COL24A1: variants seen among roughly 807,000 people sequenced by gnomAD.
The protein encoded by COL24A1 is collagen type XXIV alpha 1 chain, also known as collagen alpha-1(XXIV) chain.
COL24A1 carries 224 observed loss-of-function variants against 253.9 expected under a neutral mutation model. The ratio of observed to expected loss-of-function variants is 0.88; its 90% CI spans 0.79 to 0.99. COL24A1 has a LOEUF of 0.99. COL24A1 is among the 50% of genes least tolerant of loss of function. The probability of loss-of-function intolerance (pLI) is 0.00; values close to 1 mark genes in which losing one functional copy is unlikely to be tolerated. For missense variants in COL24A1, 2,131 were observed against 2,068.5 expected (o/e 1.03, Z -0.59); for synonymous variants, 685 against 673.7 (o/e 1.02, Z -0.26).
chr1:85,861,151 T>C (rs974533474), intron 37 of COL24A1, among the ~76,000 whole-genome samples: 1 of 152,186 alleles, frequency 6.6e-6, no homozygotes, highest in African/African-American at 2.4e-5. Flanking sequence ...CTCTATATCC[T>C]CATTAACACT....
intron 28 of COL24A1, among the ~76,000 whole-genome samples, chr1:85,902,533 T>G (rs183765212): frequency 6.6e-6 from 1 of 152,324 alleles, no homozygotes; most frequent in African/African-American, 2.4e-5. Context: ...CACTCTCTTG[T>G]AAAGATCCCC....
intron 32 of COL24A1, among the ~76,000 whole-genome samples, chr1:85,884,129 C>T (rs947454047): frequency 6.6e-6 from 1 of 152,046 alleles, no homozygotes; most frequent in African/African-American, 2.4e-5. Flanking sequence ...TTGAGAAAGA[C>T]TTTATTTCTC....
intron 35 of COL24A1, among the ~76,000 whole-genome samples, chr1:85,872,726 A>G (rs931431765): frequency 1.3e-5 from 2 of 152,250 alleles, no homozygotes; most frequent in Non-Finnish European, 2.9e-5. Context: ...ACTTAAAACC[A>G]TAAAAACCCT....
intron 43 of COL24A1, among the ~76,000 whole-genome samples, chr1:85,826,752 T>C (rs2102031658): frequency 6.6e-6 from 1 of 151,770 alleles, no homozygotes; most frequent in African/African-American, 2.4e-5. Flanking sequence ...ATAAGAATGC[T>C]TGTGATTTTT....
At chr1:86,005,359 G>A (rs1695842734) in intron 19 of COL24A1, among the ~76,000 whole-genome samples, 1 of 150,244 alleles carries the variant, frequency 6.7e-6, no homozygotes, top group African/African-American at 2.5e-5. Flanking sequence ...AGATCAGTAA[G>A]CTCCATAAAG....
At chr1:86,155,314 T>G (rs953365352) in intron 1 of COL24A1, 5 of 152,458 alleles carry the variant, frequency 3.3e-5, no homozygotes, top group Non-Finnish European at 7.3e-5. Context: ...CACAAGGCGC[T>G]CTTTCTCCGC....
chr1:85,880,479 ATTTC>A (rs1185466535), intron 32 of COL24A1, among the ~76,000 whole-genome samples: 2 of 152,054 alleles, frequency 1.3e-5, no homozygotes, highest in African/African-American at 4.8e-5. Flanking sequence ...AGACAGTTTT[ATTTC>A]TTCTTTCCAA....
At chr1:86,142,787 T>A (rs1651346420) in intron 2 of COL24A1, among the ~76,000 whole-genome samples, 1 of 152,032 alleles carries the variant, frequency 6.6e-6, no homozygotes, top group Admixed American at 6.5e-5. Context: ...AAATTAAGGA[T>A]GCTTCCACAC....
At chr1:85,754,399 A>AG (rs1365833279) in intron 55 of COL24A1, among the ~76,000 whole-genome samples, 1 of 84,028 alleles carries the variant, frequency 1.2e-5, no homozygotes, top group Non-Finnish European at 2.4e-5. Flanking sequence ...GGGTCGGGGG[A>AG]GGGGGGAGGG....
At chr1:85,963,935 A>G (rs1465978787) in intron 23 of COL24A1, among the ~76,000 whole-genome samples, 4 of 152,040 alleles carry the variant, frequency 2.6e-5, no homozygotes, top group African/African-American at 7.2e-5. Flanking sequence ...CTACAATCCT[A>G]TTTTTCAGAG....
At chr1:85,859,786 T>A (rs1252534515) in intron 37 of COL24A1, among the ~76,000 whole-genome samples, 3 of 152,182 alleles carry the variant, frequency 2.0e-5, no homozygotes, top group East Asian at 1.9e-4. Context: ...CAACTTTTTT[T>A]TACTATGTAC....
intron 10 of COL24A1, among the ~76,000 whole-genome samples, chr1:86,053,078 G>A (rs1700428330): frequency 6.6e-6 from 1 of 152,016 alleles, no homozygotes; most frequent in Admixed American, 6.6e-5. Flanking sequence ...TGGAGAATGG[G>A]AAATGTTTCT....
chr1:86,054,497 A>T (rs1700532902), intron 10 of COL24A1, among the ~76,000 whole-genome samples: 1 of 152,188 alleles, frequency 6.6e-6, no homozygotes, highest in African/African-American at 2.4e-5. Context: ...ACATGAATAG[A>T]CACTTCTCAA....
At chr1:86,074,030 G>C (rs1215531320) in intron 7 of COL24A1, among the ~76,000 whole-genome samples, 2 of 152,108 alleles carry the variant, frequency 1.3e-5, no homozygotes, top group African/African-American at 4.8e-5. Flanking sequence ...AAAGACCATT[G>C]ACACCATAAA....
Position 85,730,601 on chromosome 1 carries a change from TGAG to T in COL24A1, c.5087_5089del (p.Pro1696del). On this transcript the variant is annotated inframe_deletion, in exon 60 of 60. Coordinates refer to ENST00000370571, the MANE Select transcript of COL24A1 (RefSeq NM_152890.7). ...GTAATACTTTCGTTCAGTTTTGAGA[TGAG>T]GAAGTTTTTGTACTTCAATCACTGG... is the stretch of plus-strand genomic sequence containing the variant. 1 of 1,614,064 alleles carries T rather than the reference TGAG, an allele frequency of 6.2e-7. No individual in the cohort carries two copies. The highest frequency in any genetic ancestry group is 8.5e-7 in the Non-Finnish European group (1 of 1,179,932).
In COL24A1 at chr1:85,780,829, G is replaced by A. The variant is rs77967301; in HGVS notation, c.4338+391C>T. 5.3e-5 allele frequency among the ~76,000 whole-genome samples: 8 copies of A among 152,012 alleles called. No individual in the cohort carries two copies. The East Asian group carries it at 1.2e-3, about 22-fold the overall frequency. Reference sequence around the variant, plus strand: ...TTCTTGAAACACTTGCTATTCTCTCGAACGATTCTTTCCTTCCTTTATAGT... The same window carrying A: ...TTCTTGAAACACTTGCTATTCTCTCAAACGATTCTTTCCTTCCTTTATAGT... On this transcript the variant is annotated intron_variant, in intron 52 of 59. Transcript: ENST00000370571.
At chr1:86,049,423 T>C (rs1449240269) in intron 11 of COL24A1, among the ~76,000 whole-genome samples, 1 of 152,202 alleles carries the variant, frequency 6.6e-6, no homozygotes, top group African/African-American at 2.4e-5. Context: ...CTGAACTACA[T>C]TCTTATAATG....
At chr1:85,800,959 A>G (rs1000371558) in intron 47 of COL24A1, among the ~76,000 whole-genome samples, 1 of 152,208 alleles carries the variant, frequency 6.6e-6, no homozygotes, top group Non-Finnish European at 1.5e-5. Context: ...CAAAACAAAC[A>G]CAAAATGCAT....
chr1:86,006,299 GA>G (rs113495839), intron 19 of COL24A1, among the ~76,000 whole-genome samples: 27,608 of 151,830 alleles, frequency 0.18, 3,191 homozygotes, highest in African/African-American at 0.32. Context: ...TGGTAATGAA[GA>G]AAAAAACAGA....
Sources: gnomAD v4.1 joint callset for allele counts (sites outside exome capture counted in the v4.1 genomes callset) on GRCh38, gnomAD v4.1.1 for gene constraint, MANE v1.5 for transcripts, NCBI Gene and HGNC (gene_info 2026-07-23, HGNC 2026-07-21) for gene names.